Variants in L3MBTL4 observed in about 807,000 individuals in gnomAD.
L3MBTL4 encodes the protein lethal(3)malignant brain tumor-like protein 4.
L3MBTL4 carries 70 observed loss-of-function variants against 84.5 expected under a neutral mutation model. That is an observed-to-expected ratio of 0.83 (90% CI 0.68 to 1.01). The LOEUF is 1.01. Ranked by LOEUF, L3MBTL4 falls within the 50% of genes least tolerant of loss-of-function variation. L3MBTL4 has a pLI of 0.00. For missense variants in L3MBTL4, 715 were observed against 754.8 expected (o/e 0.95, Z 0.62); for synonymous variants, 274 against 259.8 (o/e 1.05, Z -0.52).
At chr18:6,211,217 T>A (rs2046090853) in intron 12 of L3MBTL4, among the ~76,000 whole-genome samples, 1 of 152,200 alleles carries the variant, frequency 6.6e-6, no homozygotes, top group Admixed American at 6.5e-5. Context: ...ATGAAAATAT[T>A]TGAAAATAAG....
chr18:5,960,495 T>G (rs561902109), intron 17 of L3MBTL4: 19 of 160,722 alleles, frequency 1.2e-4, no homozygotes, highest in Non-Finnish European at 2.0e-4. Context: ...AGTGGTCTTG[T>G]GCAGCAGTCA....
intron 12 of L3MBTL4, among the ~76,000 whole-genome samples, chr18:6,182,927 T>C (rs2044545625): frequency 6.6e-6 from 1 of 152,238 alleles, no homozygotes; most frequent in Admixed American, 6.5e-5. Flanking sequence ...CTTAATTTTA[T>C]AATGCAATGA....
intron 10 of L3MBTL4, among the ~76,000 whole-genome samples, chr18:6,233,061 A>G (rs557705588): frequency 1.1e-3 from 160 of 152,282 alleles, no homozygotes; most frequent in Admixed American, 2.2e-3. Flanking sequence ...AGAACCAAAG[A>G]CAAAAACCAC....
At chr18:6,286,842 G>A (rs559977022) in intron 4 of L3MBTL4, among the ~76,000 whole-genome samples, 18 of 152,208 alleles carry the variant, frequency 1.2e-4, no homozygotes, top group African/African-American at 4.3e-4. Context: ...TCTGGGAGTC[G>A]GCTGTGAAGG....
chr18:6,192,577 G>A (rs1035401165), intron 12 of L3MBTL4, among the ~76,000 whole-genome samples: 3 of 152,134 alleles, frequency 2.0e-5, no homozygotes, highest in South Asian at 2.1e-4. Context: ...GGCTGAGAAC[G>A]AGAGTGAGGC....
chr18:5,966,193 A>G (rs774996752), intron 17 of L3MBTL4, among the ~76,000 whole-genome samples: 1 of 152,164 alleles, frequency 6.6e-6, no homozygotes, highest in Non-Finnish European at 1.5e-5. Flanking sequence ...CCACGCTTGA[A>G]ATCTGTCCAA....
intron 13 of L3MBTL4, among the ~76,000 whole-genome samples, chr18:6,163,575 A>G (rs542234663): frequency 6.6e-6 from 1 of 152,298 alleles, no homozygotes; most frequent in South Asian, 2.1e-4. Flanking sequence ...GCCAATTACA[A>G]GTTGTCTTTC....
chr18:6,221,115 A>C (rs559881270), intron 10 of L3MBTL4, among the ~76,000 whole-genome samples: 1 of 152,222 alleles, frequency 6.6e-6, no homozygotes, highest in South Asian at 2.1e-4. Flanking sequence ...TTTTTCCTCT[A>C]GGAACAACAG....
At chr18:6,043,135 T>C (rs2056472824) in intron 16 of L3MBTL4, among the ~76,000 whole-genome samples, 1 of 152,202 alleles carries the variant, frequency 6.6e-6, no homozygotes, top group Non-Finnish European at 1.5e-5. Context: ...ATCCTCTTCA[T>C]CTTTTCTATA....
chr18:6,127,295 A>AT (rs1254012185), intron 14 of L3MBTL4, among the ~76,000 whole-genome samples: 7 of 152,072 alleles, frequency 4.6e-5, no homozygotes, highest in East Asian at 1.9e-4. Flanking sequence ...TAAATTATGA[A>AT]TTTTTTTAGC....
chr18:6,128,581 C>T (rs1326671136), intron 14 of L3MBTL4, among the ~76,000 whole-genome samples: 1 of 152,096 alleles, frequency 6.6e-6, no homozygotes, highest in Non-Finnish European at 1.5e-5. Context: ...AAACGGTAAA[C>T]ATAACATGGA....
At chr18:6,253,183 A>C (rs1305845920) in intron 5 of L3MBTL4, among the ~76,000 whole-genome samples, 1 of 151,868 alleles carries the variant, frequency 6.6e-6, no homozygotes, top group Non-Finnish European at 1.5e-5. Flanking sequence ...GCCTGGCAAC[A>C]GAGCAAGACT....
intron 15 of L3MBTL4, among the ~76,000 whole-genome samples, chr18:6,090,226 G>A (rs2058396090): frequency 6.6e-6 from 1 of 152,062 alleles, no homozygotes; most frequent in Non-Finnish European, 1.5e-5. Context: ...TATAACATCT[G>A]TATCTTACTG....
intron 16 of L3MBTL4, among the ~76,000 whole-genome samples, chr18:5,998,077 G>A (rs941819220): frequency 2.0e-5 from 3 of 152,162 alleles, no homozygotes; most frequent in Admixed American, 1.3e-4. Flanking sequence ...CAGCAGCAGC[G>A]TGGTTTTTCA....
intron 16 of L3MBTL4, among the ~76,000 whole-genome samples, chr18:6,070,033 G>C (rs765544759): frequency 6.6e-6 from 1 of 152,048 alleles, no homozygotes; most frequent in South Asian, 2.1e-4. Context: ...TACTAAAAAC[G>C]GAGGGGAAAT....
intron 1 of L3MBTL4, among the ~76,000 whole-genome samples, chr18:6,400,936 A>G (rs1192500704): frequency 6.6e-6 from 1 of 152,184 alleles, no homozygotes; most frequent in African/African-American, 2.4e-5. Flanking sequence ...CTTCTTGAGC[A>G]CTGCTGAGTG....
chr18:5,956,822 A>C (rs2095229555), intron 18 of L3MBTL4, among the ~76,000 whole-genome samples: 1 of 152,242 alleles, frequency 6.6e-6, no homozygotes, highest in African/African-American at 2.4e-5. Flanking sequence ...GTTCCCAATA[A>C]TATCAGAAGT....
chr18:6,121,676 T>C (rs1277642379), intron 14 of L3MBTL4, among the ~76,000 whole-genome samples: 2 of 148,058 alleles, frequency 1.4e-5, no homozygotes, highest in Non-Finnish European at 3.0e-5. Flanking sequence ...ACAACTAGCA[T>C]TGTTTCCCCG....
chr18:6,315,020 A>G (rs2051023710), intron 1 of L3MBTL4, among the ~76,000 whole-genome samples: 1 of 152,230 alleles, frequency 6.6e-6, no homozygotes, highest in Non-Finnish European at 1.5e-5. Context: ...AGTTTAAACA[A>G]TAAATCATAT....
Sources: gnomAD v4.1 joint callset for allele counts (sites outside exome capture counted in the v4.1 genomes callset) on GRCh38, gnomAD v4.1.1 for gene constraint, MANE v1.5 for transcripts, NCBI Gene and HGNC (gene_info 2026-07-23, HGNC 2026-07-21) for gene names.